The following ETHE1 variants were observed in gnomAD, a reference collection of about 807,000 sequenced individuals.
ETHE1 encodes the protein persulfide dioxygenase ETHE1, mitochondrial.
ETHE1 carries 16 observed loss-of-function variants against 25.7 expected under a neutral mutation model. The ratio of observed to expected loss-of-function variants is 0.62; its 90% confidence interval spans 0.42 to 0.95. ETHE1 has a LOEUF of 0.95. ETHE1 is among the 40% of genes least tolerant of loss of function. The pLI is 0.00. For synonymous variants in ETHE1, 139 were observed against 135.9 expected (o/e 1.02, Z -0.16); for missense variants, 300 against 333.6 (o/e 0.90, Z 0.79).
In ETHE1 at chr19:43,526,631, G is replaced by C. The variant is rs757910316; in HGVS notation, c.110C>G (p.Thr37Arg). 6.2e-7 allele frequency: 1 copy of C among 1,614,078 alleles called. No homozygotes were observed. Among genetic ancestry groups the C allele is most frequent in the South Asian group, 1.1e-5 (1 of 91,078 alleles). ...QMFEPVSCTF[T>R]YLLGDRESRE... Reference sequence around the variant, plus strand: ...GGACTCTCTGTCACCCAGCAGGTACGTGAAGGTGCAGCTCACAGGCTCGAA... The same window carrying C: ...GGACTCTCTGTCACCCAGCAGGTACCTGAAGGTGCAGCTCACAGGCTCGAA... The change falls in exon 2 of 7, where the codon ACG becomes AGG. Residue 37 changes from threonine to arginine, a missense_variant. By Grantham distance (71) the Thr-to-Arg change is moderately conservative. Transcript: ENST00000292147.
At chr19:43,527,015 C>CT in intron 1 of ETHE1, 82 bp downstream of exon 1, 1 of 1,538,524 alleles carries the variant, frequency 6.5e-7, no homozygotes, top group Non-Finnish European at 8.7e-7. Flanking sequence ...CCCCGGATCT[C>CT]TCCCTATTAA....
At chr19:43,519,097 C>A (rs1972089629) in intron 3 of ETHE1, among the ~76,000 whole-genome samples, 1 of 143,242 alleles carries the variant, frequency 7.0e-6, no homozygotes, top group Non-Finnish European at 1.5e-5. Flanking sequence ...GCAACCTCTA[C>A]CTCCTGGGTG....
At chr19:43,511,260 G>A (rs562848001) in intron 4 of ETHE1, among the ~76,000 whole-genome samples, 177 bp downstream of exon 4, 4 of 152,234 alleles carry the variant, frequency 2.6e-5, no homozygotes, top group South Asian at 4.2e-4. Flanking sequence ...CCACGAAACC[G>A]GTCCCTGGTG....
At chr19:43,524,763 C>A (rs1355643618) in intron 3 of ETHE1, among the ~76,000 whole-genome samples, 1 of 151,644 alleles carries the variant, frequency 6.6e-6, no homozygotes, top group Non-Finnish European at 1.5e-5. Flanking sequence ...ATGATCCCAC[C>A]ATTGCACTCC....
At chr19:43,514,947 A>C (rs1971990163) in intron 3 of ETHE1, among the ~76,000 whole-genome samples, 1 of 152,226 alleles carries the variant, frequency 6.6e-6, no homozygotes, top group African/African-American at 2.4e-5. Context: ...TGCTGGGAAA[A>C]TATATTTGTA....
At chr19:43,513,707 C>CT (rs1971964530) in intron 3 of ETHE1, among the ~76,000 whole-genome samples, 1 of 149,944 alleles carries the variant, frequency 6.7e-6, no homozygotes, top group African/African-American at 2.5e-5. Flanking sequence ...TCAGATGAGA[C>CT]TTTATTTTGT....
intron 3 of ETHE1, among the ~76,000 whole-genome samples, chr19:43,513,264 C>G (rs1971954471): frequency 6.6e-6 from 1 of 152,124 alleles, no homozygotes; most frequent in Non-Finnish European, 1.5e-5. Context: ...CCCACTGGGG[C>G]ACTGCCCCTA....
chr19:43,509,019 G>C (rs1237082720), intron 4 of ETHE1, among the ~76,000 whole-genome samples, 155 bp from the exon 5 acceptor site: 1 of 152,208 alleles, frequency 6.6e-6, no homozygotes, highest in East Asian at 1.9e-4. Context: ...AACAGGGAAA[G>C]GCATTCTAGG....
chr19:43,517,231 C>T (rs887167596), intron 3 of ETHE1, among the ~76,000 whole-genome samples: 1 of 150,496 alleles, frequency 6.6e-6, no homozygotes, highest in Admixed American at 6.7e-5. Flanking sequence ...ATTCAACACT[C>T]TTGTATAAAA....
rs747806362 is a variant in ETHE1 at position 43,506,813 on chromosome 19, CA to C, written c.*36del. ...TGCCGCCCTCTCCTCCCACCTAGTG[CA>C]TTAATAGTGGATGGGAGCATCTGAC... On this transcript the variant is annotated 3_prime_UTR_variant, in exon 7 of 7. Coordinates refer to ENST00000292147, the MANE Select transcript of ETHE1 (RefSeq NM_014297.5). 38 of 1,581,170 alleles carry C rather than the reference CA, an allele frequency of 2.4e-5. No homozygotes were observed. The highest frequency in any genetic ancestry group is 5.0e-5 in the Admixed American group (3 of 59,916).
At chr19:43,526,943 A>C in intron 1 of ETHE1, 154 bp downstream of exon 1, 3 of 1,511,136 alleles carry the variant, frequency 2.0e-6, no homozygotes, top group Non-Finnish European at 1.8e-6. Flanking sequence ...TCACCTTTAA[A>C]GGACCCAAGA....
At chr19:43,526,128 C>T (rs1972238990) in intron 3 of ETHE1, 73 bp downstream of exon 3, 2 of 1,608,942 alleles carry the variant, frequency 1.2e-6, no homozygotes, top group South Asian at 2.2e-5. Flanking sequence ...GATCCCAGGC[C>T]CCCAGTCCCC....
chr19:43,508,625 G>A, intron 5 of ETHE1, 150 bp downstream of exon 5: 2 of 733,478 alleles, frequency 2.7e-6, no homozygotes, highest in South Asian at 3.0e-5. Context: ...TTACAAGTGT[G>A]AGCCCCCTTG....
At chr19:43,508,382 G>A (rs896471797) in intron 5 of ETHE1, among the ~76,000 whole-genome samples, 1 of 131,290 alleles carries the variant, frequency 7.6e-6, no homozygotes, top group African/African-American at 2.9e-5. Context: ...GGGGCTTGCT[G>A]TGTCACCCAG....
intron 3 of ETHE1, among the ~76,000 whole-genome samples, chr19:43,521,291 C>T (rs1210543441): frequency 6.6e-5 from 10 of 152,162 alleles, no homozygotes; most frequent in Non-Finnish European, 1.3e-4. Flanking sequence ...CGCCACTGCA[C>T]TCTAGCCTGG....
chr19:43,515,722 C>T (rs1355196588), intron 3 of ETHE1, among the ~76,000 whole-genome samples: 1 of 151,912 alleles, frequency 6.6e-6, no homozygotes, highest in Non-Finnish European at 1.5e-5. Context: ...TTACAGGTGC[C>T]CACCACCATG....
rs1260873745 is a variant in ETHE1 at position 43,523,604 on chromosome 19, G to GA, written c.375+2596dup. Among the ~76,000 whole-genome samples, 4 of 152,082 alleles carry GA rather than the reference G, an allele frequency of 2.6e-5. No homozygotes were observed. In the East Asian group the frequency reaches 7.7e-4, roughly 29 times the overall value. On this transcript the variant is annotated intron_variant, in intron 3 of 6. Transcript: ENST00000292147. ...ACAATTCATTTTTTTAAAGTAGAAG[G>GA]AAAAATAAAGGAGAGAAAAATGGAC...
In ETHE1 at chr19:43,511,569, G is replaced by A; in HGVS notation, c.376-3C>T. 1.2e-6 allele frequency: 2 copies of A among 1,612,930 alleles called. No individual in the cohort carries two copies. Among genetic ancestry groups the A allele is most frequent in the Non-Finnish European group, 1.7e-6 (2 of 1,179,998 alleles). On this transcript the variant is annotated splice_polypyrimidine_tract_variant and splice_region_variant and intron_variant, in intron 3 of 6. Coordinates refer to ENST00000292147, the MANE Select transcript of ETHE1 (RefSeq NM_014297.5). ...GGGCTGGCCCTGGTCTCCAACGCCT[G>A]GCAGGGGTGGAAGAGTACAGAGATA...
chr19:43,512,753 A>C (rs1162168162), intron 3 of ETHE1, among the ~76,000 whole-genome samples: 2 of 147,456 alleles, frequency 1.4e-5, no homozygotes, highest in Non-Finnish European at 3.0e-5. Context: ...AGAAAAAAAA[A>C]CCCATTTTCT....
Sources: allele counts gnomAD v4.1 joint callset (sites outside exome capture counted in the v4.1 genomes callset), GRCh38; gene constraint gnomAD v4.1.1; transcripts MANE v1.5; gene names NCBI Gene and HGNC (gene_info 2026-07-23, HGNC 2026-07-21).